The following CAMTA1 variants were observed in gnomAD, a reference collection of about 807,000 sequenced individuals.
CAMTA1 encodes calmodulin binding transcription activator 1, also known as calmodulin-binding transcription activator 1.
In CAMTA1, 27 loss-of-function variants were observed where a neutral mutation model predicts 170.9. That is an observed-to-expected ratio of 0.16 (90% CI 0.12 to 0.22). The LOEUF (loss-of-function observed/expected upper bound fraction) is 0.22. Among genes scored for constraint, CAMTA1 ranks in the 10% least tolerant of loss-of-function variants. The pLI, the probability that CAMTA1 is intolerant of heterozygous loss-of-function variation, is 1.00. For synonymous variants in CAMTA1, 833 were observed against 891.5 expected (o/e 0.93, Z 1.17); for missense variants, 1,619 against 2,217.2 (o/e 0.73, Z 5.42).
At position 7,101,948 on chromosome 1, in the gene CAMTA1, TC is replaced by T. The variant is rs377165486; in HGVS notation, c.302+10578del. On this transcript the variant is annotated intron_variant, in intron 4 of 22. Transcript: ENST00000303635. Reference sequence around the variant, plus strand: ...ACAACACACATGCACAAGCAAATATTCAACACATAATGCATGCATGCAGCAC... The same window carrying T: ...ACAACACACATGCACAAGCAAATATTAACACATAATGCATGCATGCAGCAC... Among the ~76,000 whole-genome samples the T allele has an allele frequency of 3.6e-3, 552 of 151,510 alleles. 7 individuals carry two copies. The highest frequency in any genetic ancestry group is 0.013 in the African/African-American group (526 of 41,282).
chr1:7,135,892 T>C (rs887431892), intron 4 of CAMTA1, among the ~76,000 whole-genome samples: 2 of 152,210 alleles, frequency 1.3e-5, no homozygotes, highest in Non-Finnish European at 2.9e-5. Context: ...AAATCTCAGT[T>C]GCTTAACCCA....
At chr1:6,995,295 CTTTTTTTTT>C (rs765139922) in intron 3 of CAMTA1, among the ~76,000 whole-genome samples, 13 of 60,622 alleles carry the variant, frequency 2.1e-4, no homozygotes, top group East Asian at 1.1e-3. Flanking sequence ...TTTTTCTTTT[CTTTTTTTTT>C]TTTTTTTTTT....
intron 7 of CAMTA1, among the ~76,000 whole-genome samples, chr1:7,659,928 A>G (rs2095940031): frequency 6.6e-6 from 1 of 152,216 alleles, no homozygotes; most frequent in Admixed American, 6.5e-5. Flanking sequence ...AGGCTCAGAG[A>G]GGCTAAGTGA....
intron 11 of CAMTA1, among the ~76,000 whole-genome samples, chr1:7,728,097 T>G (rs1411622067): frequency 6.6e-6 from 1 of 152,238 alleles, no homozygotes; most frequent in Non-Finnish European, 1.5e-5. Context: ...GAGGTGCTTC[T>G]CAGAGCAGCT....
At position 7,312,887 on chromosome 1, in the gene CAMTA1, A is replaced by G. The variant is rs535634504; in HGVS notation, c.438+63261A>G. ...TTTTGTTTTAAAGAAGCACTTGTTC[A>G]TTATTGTTTGAAGTTGTGGTAGTGT... On this transcript the variant is annotated intron_variant, in intron 5 of 22. Transcript: ENST00000303635. Among the ~76,000 whole-genome samples the G allele has an allele frequency of 5.3e-5, 8 of 151,698 alleles. No homozygotes were observed. In the South Asian group the frequency reaches 1.7e-3, roughly 32 times the overall value.
intron 5 of CAMTA1, among the ~76,000 whole-genome samples, chr1:7,406,146 G>A (rs79236923): frequency 0.02 from 3,098 of 152,342 alleles, 103 homozygotes; most frequent in African/African-American, 0.07. Flanking sequence ...ATCTTGTCCA[G>A]TCTCCAGATT....
At chr1:7,302,228 G>C (rs1375799225) in intron 5 of CAMTA1, among the ~76,000 whole-genome samples, 1 of 152,094 alleles carries the variant, frequency 6.6e-6, no homozygotes. Flanking sequence ...AGCCTGGCTG[G>C]CATTGGGCTT....
intron 1 of CAMTA1, among the ~76,000 whole-genome samples, chr1:6,800,801 A>T (rs1643688748): frequency 6.6e-6 from 1 of 151,718 alleles, no homozygotes; most frequent in African/African-American, 2.4e-5. Context: ...GGCCTCCTAT[A>T]GGCCTCGCGT....
At chr1:7,591,502 G>A (rs1316006943) in intron 6 of CAMTA1, among the ~76,000 whole-genome samples, 1 of 152,176 alleles carries the variant, frequency 6.6e-6, no homozygotes, top group Non-Finnish European at 1.5e-5. Flanking sequence ...CTGCTCCAAG[G>A]CCTCAAAGTT....
intron 11 of CAMTA1, 70 bp downstream of exon 11, chr1:7,677,803 G>T: frequency 2.0e-6 from 3 of 1,531,648 alleles, no homozygotes; most frequent in Non-Finnish European, 1.8e-6. Context: ...CTTGCACAAG[G>T]TGTGAAAGAA....
intron 6 of CAMTA1, among the ~76,000 whole-genome samples, chr1:7,621,733 G>T (rs987643232): frequency 6.6e-6 from 1 of 152,226 alleles, no homozygotes. Context: ...AAGTTTCCTG[G>T]AAGAGGGATG....
At chr1:7,567,821 T>A (rs2095061424) in intron 6 of CAMTA1, among the ~76,000 whole-genome samples, 1 of 152,138 alleles carries the variant, frequency 6.6e-6, no homozygotes, top group African/African-American at 2.4e-5. Context: ...CATTGAAAGG[T>A]GAAGAGAGAA....
intron 4 of CAMTA1, among the ~76,000 whole-genome samples, chr1:7,193,366 A>C (rs184806612): frequency 0.026 from 3,961 of 151,524 alleles, 91 homozygotes; most frequent in Non-Finnish European, 0.043. Flanking sequence ...AAAAAAAAAA[A>C]GTCATTTGCT....
chr1:7,156,134 C>T (rs1170485825), intron 4 of CAMTA1, among the ~76,000 whole-genome samples: 1 of 150,886 alleles, frequency 6.6e-6, no homozygotes, highest in Non-Finnish European at 1.5e-5. Context: ...AAAAAATAGC[C>T]AGATGTGGTG....
At chr1:7,533,011 G>A (rs1329350575) in intron 6 of CAMTA1, among the ~76,000 whole-genome samples, 3 of 152,206 alleles carry the variant, frequency 2.0e-5, no homozygotes, top group Non-Finnish European at 4.4e-5. Flanking sequence ...TAATTAGTAC[G>A]TTGTTTTCCC....
At chr1:7,290,225 G>A (rs1411425613) in intron 5 of CAMTA1, among the ~76,000 whole-genome samples, 2 of 152,190 alleles carry the variant, frequency 1.3e-5, no homozygotes, top group Non-Finnish European at 2.9e-5. Flanking sequence ...GAAGGGATGG[G>A]GTGAGGAAAC....
chr1:6,902,617 T>A (rs1180435281), intron 3 of CAMTA1, among the ~76,000 whole-genome samples: 1 of 152,216 alleles, frequency 6.6e-6, no homozygotes, highest in African/African-American at 2.4e-5. Flanking sequence ...TGTTTGTGAT[T>A]GTGGTTATGC....
chr1:7,270,903 T>G (rs1669697555), intron 5 of CAMTA1, among the ~76,000 whole-genome samples: 1 of 152,192 alleles, frequency 6.6e-6, no homozygotes, highest in Non-Finnish European at 1.5e-5. Context: ...GGCCAAACAC[T>G]TATGGGAAAG....
intron 6 of CAMTA1, among the ~76,000 whole-genome samples, chr1:7,510,131 T>G (rs750867369): frequency 1.6e-5 from 2 of 124,902 alleles, no homozygotes; most frequent in Non-Finnish European, 3.6e-5. Flanking sequence ...GATTCCACGC[T>G]TGGTACGACG....
Sources: allele counts gnomAD v4.1 joint callset (sites outside exome capture counted in the v4.1 genomes callset), GRCh38; gene constraint gnomAD v4.1.1; transcripts MANE v1.5; gene names NCBI Gene and HGNC (gene_info 2026-07-23, HGNC 2026-07-21).